LUC7L2: variants seen among roughly 807,000 people sequenced by gnomAD.
The protein encoded by LUC7L2 is LUC7 like 2, pre-mRNA splicing factor, also known as putative RNA-binding protein Luc7-like 2.
In LUC7L2, 25 loss-of-function variants were observed where a neutral mutation model predicts 52.8. That is an observed-to-expected ratio of 0.47 (90% CI 0.34 to 0.66). The LOEUF (loss-of-function observed/expected upper bound fraction) is 0.66, where lower values mean the gene tolerates loss of function less well. LUC7L2 is among the 30% of genes least tolerant of loss of function. The pLI, the probability that LUC7L2 is intolerant of heterozygous loss-of-function variation, is 0.01. For synonymous variants in LUC7L2, 144 were observed against 160.9 expected, an observed-to-expected ratio of 0.89 and a Z score of 0.80; for missense variants, 328 against 497.8, an observed-to-expected ratio of 0.66 and a Z score of 3.25.
At chr7:139,372,204 A>G (rs961998685) in intron 1 of LUC7L2, among the ~76,000 whole-genome samples, 11 of 152,112 alleles carry the variant, frequency 7.2e-5, no homozygotes, top group Admixed American at 5.9e-4. Context: ...TTTGTTGTTG[A>G]CAGAAGTAAC....
At chr7:139,370,093 T>C (rs1426228766) in intron 1 of LUC7L2, among the ~76,000 whole-genome samples, 1 of 152,220 alleles carries the variant, frequency 6.6e-6, no homozygotes, top group Non-Finnish European at 1.5e-5. Context: ...GATCAAGACA[T>C]ATTAAATGTT....
intron 4 of LUC7L2, among the ~76,000 whole-genome samples, 154 bp from the exon 5 acceptor site, chr7:139,405,490 T>A (rs561298466): frequency 6.6e-6 from 1 of 152,364 alleles, no homozygotes; most frequent in Admixed American, 6.5e-5. Context: ...AACATCCTGA[T>A]GTCTCAGTAG....
At chr7:139,344,328 A>C (rs1322554950) in intron 1 of LUC7L2, among the ~76,000 whole-genome samples, 2 of 152,166 alleles carry the variant, frequency 1.3e-5, no homozygotes, top group African/African-American at 4.8e-5. Context: ...ATGGATGCTC[A>C]AGTCCCTGAC....
intron 1 of LUC7L2, among the ~76,000 whole-genome samples, chr7:139,361,425 A>G (rs1336173006): frequency 1.3e-5 from 2 of 152,276 alleles, no homozygotes; most frequent in Non-Finnish European, 2.9e-5. Context: ...TTTAATTTAC[A>G]TGAGTGCTTT....
In LUC7L2 at chr7:139,376,049, T is replaced by C. The variant is rs1487160870; in HGVS notation, c.62-13T>C. 1.2e-6 allele frequency: 2 copies of C among 1,613,126 alleles called. No homozygotes were observed. Among genetic ancestry groups the C allele is most frequent in the Middle Eastern group, 3.3e-4 (2 of 6,050 alleles). On this transcript the variant is annotated splice_polypyrimidine_tract_variant and intron_variant, in intron 1 of 9. Transcript: ENST00000354926. Reference sequence around the variant, plus strand: ...GTCTAACCTTGAATGTTATTAACTCTTCTATATTACAGGAGATACAACTCG... The same window carrying C: ...GTCTAACCTTGAATGTTATTAACTCCTCTATATTACAGGAGATACAACTCG...
At chr7:139,367,763 C>T (rs780745811) in intron 1 of LUC7L2, among the ~76,000 whole-genome samples, 11 of 152,182 alleles carry the variant, frequency 7.2e-5, no homozygotes, top group Non-Finnish European at 1.0e-4. Flanking sequence ...AGAGGTCCAT[C>T]AAGACCTCCA....
intron 1 of LUC7L2, 197 bp from the exon 2 acceptor site, chr7:139,375,865 T>C (rs1379629705): frequency 2.0e-6 from 1 of 504,640 alleles, no homozygotes; most frequent in Non-Finnish European, 3.4e-6. Context: ...ATTTGAATTA[T>C]GTATGCAGTA....
intron 1 of LUC7L2, among the ~76,000 whole-genome samples, chr7:139,372,547 G>T (rs1800506318): frequency 6.6e-6 from 1 of 151,792 alleles, no homozygotes; most frequent in African/African-American, 2.4e-5. Context: ...TCCATTCTTG[G>T]TGGTAATTTT....
chr7:139,395,763 C>A (rs1794632164), intron 2 of LUC7L2, among the ~76,000 whole-genome samples: 1 of 152,132 alleles, frequency 6.6e-6, no homozygotes, highest in Non-Finnish European at 1.5e-5. Flanking sequence ...GCCTCTGTCT[C>A]CTCAGGAGCT....
chr7:139,409,200 G>C (rs539987696), intron 6 of LUC7L2, among the ~76,000 whole-genome samples: 2 of 152,034 alleles, frequency 1.3e-5, no homozygotes, highest in East Asian at 3.9e-4. Context: ...CCAACACTTT[G>C]GGAGGCTGAG....
chr7:139,383,046 C>G (rs1801120278), intron 2 of LUC7L2, among the ~76,000 whole-genome samples: 1 of 152,214 alleles, frequency 6.6e-6, no homozygotes, highest in Non-Finnish European at 1.5e-5. Flanking sequence ...CTGCCTCACC[C>G]TTCCAAGTAG....
In LUC7L2 at chr7:139,368,476, C is replaced by T. The variant is rs189756674; in HGVS notation, c.62-7586C>T. ...TAAAGAGGCCGGGCACTGTGGCTCA[C>T]GCCTGTAATCCCAGCACTTTGGGAG... On this transcript the variant is annotated intron_variant, in intron 1 of 9. Coordinates refer to ENST00000354926, the MANE Select transcript of LUC7L2 (RefSeq NM_016019.5). 5.9e-5 allele frequency among the ~76,000 whole-genome samples: 9 copies of T among 152,274 alleles called. No individual in the cohort carries two copies. In the South Asian group the frequency reaches 6.2e-4, roughly 11 times the overall value.
intron 1 of LUC7L2, among the ~76,000 whole-genome samples, chr7:139,352,280 A>G (rs527344610): frequency 1.3e-5 from 2 of 152,236 alleles, no homozygotes; most frequent in African/African-American, 4.8e-5. Context: ...GCTTGGGGCC[A>G]GGAGTTTGTG....
chr7:139,420,278 GTTGC>G (rs1569398164), intron 9 of LUC7L2, among the ~76,000 whole-genome samples: 3 of 151,814 alleles, frequency 2.0e-5, no homozygotes, highest in African/African-American at 7.3e-5. Flanking sequence ...ATCTCGGCTC[GTTGC>G]AACCTCTGCC....
chr7:139,384,957 A>G (rs1234499165), intron 2 of LUC7L2, among the ~76,000 whole-genome samples: 1 of 152,062 alleles, frequency 6.6e-6, no homozygotes, highest in Admixed American at 6.5e-5. Flanking sequence ...TTCATTTTAT[A>G]TACTATTTAA....
At chr7:139,389,135 C>T (rs1390049135) in intron 2 of LUC7L2, among the ~76,000 whole-genome samples, 2 of 151,664 alleles carry the variant, frequency 1.3e-5, no homozygotes, top group South Asian at 2.1e-4. Context: ...ACCCCAGTGG[C>T]TTTATTCCTA....
intron 8 of LUC7L2, among the ~76,000 whole-genome samples, chr7:139,415,875 T>A (rs1245290243): frequency 6.6e-6 from 1 of 151,778 alleles, no homozygotes; most frequent in African/African-American, 2.4e-5. Flanking sequence ...AATGTTGACA[T>A]AAGCTGAATG....
In LUC7L2 at chr7:139,422,529, T is replaced by G. The variant is rs901362661; in HGVS notation, c.*189T>G. 1 of 1,208,734 alleles carries G rather than the reference T, an allele frequency of 8.3e-7. No homozygotes were observed. Among genetic ancestry groups the G allele is most frequent in the Non-Finnish European group, 1.1e-6 (1 of 942,292 alleles). 74.9% of individuals were successfully genotyped at this position (1,208,734 alleles called of 1,614,324 possible). On this transcript the variant is annotated 3_prime_UTR_variant, in exon 10 of 10. Transcript: ENST00000354926. The stretch of plus-strand genomic sequence containing the variant: ...TGATGCCTAAAACTACATCCATAGT[T>G]TCTGGTGAACCTGTAATACAGTTCT...
intron 1 of LUC7L2, among the ~76,000 whole-genome samples, chr7:139,365,194 T>A (rs1269062580): frequency 2.0e-5 from 3 of 152,184 alleles, no homozygotes; most frequent in Non-Finnish European, 4.4e-5. Flanking sequence ...CTGAATAATA[T>A]TTCTATCTAC....
Sources: allele counts gnomAD v4.1 joint callset (sites outside exome capture counted in the v4.1 genomes callset), GRCh38; gene constraint gnomAD v4.1.1; transcripts MANE v1.5; gene names NCBI Gene and HGNC (gene_info 2026-07-23, HGNC 2026-07-21).